Variants in PRRC1 observed in about 807,000 individuals in gnomAD.
The protein encoded by PRRC1 is proline rich coiled-coil 1.
A neutral mutation model predicts 40.7 loss-of-function variants in PRRC1; 39 were observed. The observed-to-expected ratio is 0.96, with a 90% confidence interval of 0.74 to 1.25. PRRC1 has a LOEUF of 1.25. Among genes scored for constraint, PRRC1 ranks in the 50% most tolerant of loss-of-function variants. The pLI, the probability that PRRC1 is intolerant of heterozygous loss-of-function variation, is 0.00. For missense variants in PRRC1, 573 were observed against 548.3 expected, an observed-to-expected ratio of 1.05 and a Z score of -0.45; for synonymous variants, 175 against 193.3, an observed-to-expected ratio of 0.91 and a Z score of 0.79.
chr5:127,533,670 A>G lies in PRRC1; in HGVS notation c.805A>G (p.Lys269Glu). ...DIVVTSNKEV[K>E]VAAVRDAFQE... is the part of the protein sequence containing the mutation. ...TGTAGTGACCTCAAATAAAGAAGTA[A>G]AAGTTGCTGCTGTCCGAGATGCCTT... Residue 269 changes from lysine (K) to glutamate (E), a missense_variant, in exon 6 of 9, where the codon AAA becomes GAA. Lys to Glu is a moderately conservative substitution (Grantham distance 56, BLOSUM62 1). Coordinates refer to ENST00000296666, the MANE Select transcript of PRRC1 (RefSeq NM_130809.5). The G allele has an allele frequency of 6.2e-7, 1 of 1,614,134 alleles. No homozygotes were observed. The highest frequency in any genetic ancestry group is 8.5e-7 in the Non-Finnish European group (1 of 1,179,992).
chr5:127,552,175 A>G lies in PRRC1; in HGVS notation c.*259A>G, dbSNP rs1375100912. ...AATATACAAATCTATTTACAGCACA[A>G]TTTAATATACCAGATTTATAAGGTG... On this transcript the variant is annotated 3_prime_UTR_variant, in exon 9 of 9. Transcript: ENST00000296666. 3.3e-6 allele frequency: 4 copies of G among 1,225,832 alleles called. No homozygotes were observed. The highest frequency in any genetic ancestry group is 7.8e-5 in the East Asian group (2 of 25,552). 75.9% of individuals were successfully genotyped at this position (1,225,832 alleles called of 1,614,324 possible). A position where few individuals can be genotyped will look rare whatever the true frequency, so the allele number is the denominator to read the frequency against.
At chr5:127,521,238 C>T (rs1157270814) in intron 1 of PRRC1, among the ~76,000 whole-genome samples, 1 of 152,196 alleles carries the variant, frequency 6.6e-6, no homozygotes, top group Non-Finnish European at 1.5e-5. Flanking sequence ...CCTCTATCAA[C>T]TGCTCTGACC....
intron 7 of PRRC1, among the ~76,000 whole-genome samples, chr5:127,543,835 G>A (rs1430313031): frequency 2.6e-5 from 4 of 152,098 alleles, no homozygotes; most frequent in East Asian, 1.9e-4. Flanking sequence ...TCTGTAGCTC[G>A]GAGTAGTTTG....
In PRRC1 at chr5:127,544,682, A is replaced by G. The variant is rs544516004; in HGVS notation, c.1026-3137A>G. ...ACTCCGTGGGCATAGGACCCTCTGA[A>G]CCAGGTGCGGGATATAATCTCCTGG... is the stretch of plus-strand genomic sequence containing the variant. On this transcript the variant is annotated intron_variant, in intron 7 of 8. Transcript: ENST00000296666. Among the ~76,000 whole-genome samples the G allele has an allele frequency of 7.2e-5, 11 of 152,320 alleles. No individual in the cohort carries two copies. The South Asian group carries it at 1.5e-3, about 20-fold the overall frequency.
At chr5:127,538,942 T>TTGCATATAAATGTA (rs1341411678) in intron 6 of PRRC1, 98 bp from the exon 7 acceptor site, 26 of 775,344 alleles carry the variant, frequency 3.4e-5, no homozygotes, top group Non-Finnish European at 5.5e-5. Context: ...ATATATGTGT[T>TTGCATATAAATGTA]TGCATATAAA....
chr5:127,523,565 C>A lies in PRRC1; in HGVS notation c.86C>A (p.Ser29Tyr), dbSNP rs1349021311. 1.2e-6 allele frequency: 2 copies of A among 1,610,456 alleles called. No individual in the cohort carries two copies. Among genetic ancestry groups the A allele is most frequent in the East Asian group, 4.5e-5 (2 of 44,796 alleles). The change falls in exon 2 of 9, where the codon TCT (serine) becomes TAT (tyrosine). Residue 29 changes from serine to tyrosine, a missense_variant. Transcript: ENST00000296666. ...GGGCTGGCTGCTACTGCTATGTCTT[C>A]TACCCCTGTTCCATTAGGTACATGT... ...PAGLAATAMS[S>Y]TPVPLAATSS...
At chr5:127,538,984 T>C in intron 6 of PRRC1, 56 bp from the exon 7 acceptor site, 1 of 1,210,298 alleles carries the variant, frequency 8.3e-7, no homozygotes, top group Non-Finnish European at 1.2e-6. Flanking sequence ...CATAAATTAG[T>C]ATATTTAATA....
At chr5:127,538,697 A>C (rs1229227281) in intron 6 of PRRC1, among the ~76,000 whole-genome samples, 1 of 152,116 alleles carries the variant, frequency 6.6e-6, no homozygotes, top group African/African-American at 2.4e-5. Flanking sequence ...TGTATGTAGT[A>C]AGATGGTCTC....
At chr5:127,519,512 A>G (rs560791426) in intron 1 of PRRC1, among the ~76,000 whole-genome samples, 2 of 152,160 alleles carry the variant, frequency 1.3e-5, no homozygotes, top group Admixed American at 6.5e-5. Flanking sequence ...ATAGTATCCT[A>G]TTTGGCTTCT....
In PRRC1 at chr5:127,552,739, C is replaced by T; in HGVS notation, c.*823C>T. 1 of 984,042 alleles carries T rather than the reference C, an allele frequency of 1.0e-6. No homozygotes were observed. The highest frequency in any genetic ancestry group is 1.2e-6 in the Non-Finnish European group (1 of 828,304). 61.0% of individuals were successfully genotyped at this position (984,042 alleles called of 1,614,324 possible). On this transcript the variant is annotated 3_prime_UTR_variant, in exon 9 of 9. Transcript: ENST00000296666. ...TAAGCTCTGACAACAGCCATTGTTT[C>T]TGCTTCCACTCATATTCTCTACACA... is the stretch of plus-strand genomic sequence containing the variant.
rs1358717011 is a variant in PRRC1, at chr5:127,534,945, A to G, written c.921+1159A>G. On this transcript the variant is annotated intron_variant, in intron 6 of 8. Coordinates refer to ENST00000296666, the MANE Select transcript of PRRC1 (RefSeq NM_130809.5). ...GCAAGAAACCTTGGAGTCAGCCCTGACTTCTCTCATTACCCACTTCTAATC... is the reference window on the plus strand; with the variant it reads ...GCAAGAAACCTTGGAGTCAGCCCTGGCTTCTCTCATTACCCACTTCTAATC... Among the ~76,000 whole-genome samples, 3 of 152,284 alleles carry G rather than the reference A, an allele frequency of 2.0e-5. No homozygotes were observed. The East Asian group carries it at 5.8e-4, about 29-fold the overall frequency.
At position 127,523,519 on chromosome 5, in the gene PRRC1, ACTC is replaced by A. The variant is rs1439529933; in HGVS notation, c.45_47del (p.Pro17del). On this transcript the variant is annotated inframe_deletion, in exon 2 of 9. Transcript: ENST00000296666. ...TGGAATAGAGACAACACCACCTGGG[ACTC>A]CTCCACCAAATCCTGCAGGGCTGGC... 3 of 1,612,818 alleles carry A rather than the reference ACTC, an allele frequency of 1.9e-6. No individual in the cohort carries two copies. The highest frequency in any genetic ancestry group is 4.5e-5 in the East Asian group (2 of 44,818).
At chr5:127,551,677 A>T (rs374650923) in intron 8 of PRRC1, 30 bp from the exon 9 acceptor site, 8 of 1,599,288 alleles carry the variant, frequency 5.0e-6, no homozygotes, top group Non-Finnish European at 6.9e-6. Context: ...TAAATGTATT[A>T]TAAGTAATAT....
intron 8 of PRRC1, chr5:127,548,194 GTTCTGGAAAAGATTTACCTT>G: frequency 3.8e-6 from 2 of 527,550 alleles, no homozygotes; most frequent in Non-Finnish European, 6.7e-6. Context: ...TTTACTCTGA[GTTCTGGAAAAGATTTACCTT>G]TTCTAGTTGT....
At chr5:127,529,111 T>A (rs1767699421) in intron 4 of PRRC1, among the ~76,000 whole-genome samples, 1 of 152,164 alleles carries the variant, frequency 6.6e-6, no homozygotes, top group Non-Finnish European at 1.5e-5. Flanking sequence ...ATTTTTCTTT[T>A]AAATTTTTCT....
intron 1 of PRRC1, among the ~76,000 whole-genome samples, chr5:127,520,919 T>G (rs1488422324): frequency 6.6e-6 from 1 of 152,246 alleles, no homozygotes; most frequent in East Asian, 1.9e-4. Context: ...GAAGCTGGGT[T>G]TGGGGTACTC....
intron 1 of PRRC1, among the ~76,000 whole-genome samples, chr5:127,519,052 T>C (rs576223219): frequency 1.3e-5 from 2 of 152,364 alleles, no homozygotes; most frequent in Admixed American, 1.3e-4. Flanking sequence ...TTATTCCACT[T>C]AATGACTTTG....
At chr5:127,536,512 G>C (rs1392354414) in intron 6 of PRRC1, among the ~76,000 whole-genome samples, 1 of 152,022 alleles carries the variant, frequency 6.6e-6, no homozygotes, top group Non-Finnish European at 1.5e-5. Flanking sequence ...TGAGAAAGAA[G>C]ACTTTTCAAG....
Position 127,554,010 on chromosome 5 carries a change from C to A in PRRC1, c.*2094C>A. 1.9e-6 allele frequency: 2 copies of A among 1,080,266 alleles called. No homozygotes were observed. Among genetic ancestry groups the A allele is most frequent in the Non-Finnish European group, 1.3e-6 (1 of 778,560 alleles). 66.9% of individuals were successfully genotyped at this position (1,080,266 alleles called of 1,614,324 possible). A position where few individuals can be genotyped will look rare whatever the true frequency, so the allele number is the denominator to read the frequency against. On this transcript the variant is annotated 3_prime_UTR_variant, in exon 9 of 9. Transcript: ENST00000296666. ...TTGGCCCAGAGTTTTTGAAAAGCAGCGGAGCATGACTGACTTCACATGCTC... is the reference window on the plus strand; with the variant it reads ...TTGGCCCAGAGTTTTTGAAAAGCAGAGGAGCATGACTGACTTCACATGCTC...
Sources: allele counts gnomAD v4.1 joint callset (sites outside exome capture counted in the v4.1 genomes callset), GRCh38; gene constraint gnomAD v4.1.1; transcripts MANE v1.5; gene names NCBI Gene and HGNC (gene_info 2026-07-23, HGNC 2026-07-21).